DNAJB13: variants seen among roughly 807,000 people sequenced by gnomAD.
DNAJB13 encodes DnaJ heat shock protein family (Hsp40) member B13.
In DNAJB13, 22 loss-of-function variants were observed where a neutral mutation model predicts 35.6. That is an observed-to-expected ratio of 0.62 (90% CI 0.44 to 0.88). The LOEUF (loss-of-function observed/expected upper bound fraction) is 0.88, where lower values mean the gene tolerates loss of function less well. DNAJB13 is among the 40% of genes least tolerant of loss of function. The pLI is 0.00. For missense variants in DNAJB13, 370 were observed against 384.3 expected (o/e 0.96, Z 0.31); for synonymous variants, 136 against 144.2 (o/e 0.94, Z 0.41).
At chr11:73,958,827 C>T (rs2135301159) in intron 2 of DNAJB13, among the ~76,000 whole-genome samples, 1 of 152,294 alleles carries the variant, frequency 6.6e-6, no homozygotes, top group African/African-American at 2.4e-5. Flanking sequence ...GTGTCCATTT[C>T]CCCAGGGCCA....
chr11:73,967,966 T>G (rs1040802635), intron 5 of DNAJB13: 17 of 355,810 alleles, frequency 4.8e-5, no homozygotes, highest in Non-Finnish European at 8.6e-5. Flanking sequence ...AGCAGAGTTT[T>G]GGTGACTTAA....
At chr11:73,957,341 G>A (rs1330598138) in intron 1 of DNAJB13, among the ~76,000 whole-genome samples, 1 of 152,168 alleles carries the variant, frequency 6.6e-6, no homozygotes, top group African/African-American at 2.4e-5. Flanking sequence ...CAGACCCCTC[G>A]GGGTTCCTGG....
intron 3 of DNAJB13, among the ~76,000 whole-genome samples, chr11:73,960,177 C>A (rs1444544966): frequency 1.3e-5 from 2 of 151,280 alleles, no homozygotes; most frequent in African/African-American, 4.9e-5. Flanking sequence ...TTCTTTCTTT[C>A]TTTTTTATTT....
intron 1 of DNAJB13, among the ~76,000 whole-genome samples, chr11:73,954,935 G>A (rs191703069): frequency 2.1e-3 from 324 of 152,066 alleles, no homozygotes; most frequent in Non-Finnish European, 4.0e-3. Context: ...TGAGCAACAA[G>A]AGCAAAACTC....
intron 3 of DNAJB13, among the ~76,000 whole-genome samples, chr11:73,960,808 ATTATC>A (rs1402484851): frequency 1.3e-5 from 2 of 151,966 alleles, no homozygotes; most frequent in African/African-American, 2.4e-5. Flanking sequence ...TATCTTGGAG[ATTATC>A]TTATATGTTA....
intron 4 of DNAJB13, chr11:73,965,250 C>T (rs1220229524): frequency 6.5e-6 from 3 of 458,038 alleles, no homozygotes. Context: ...CAGGAGTGCC[C>T]TCTGCAGCCT....
intron 3 of DNAJB13, among the ~76,000 whole-genome samples, chr11:73,962,181 G>T (rs533034088): frequency 1.2e-4 from 19 of 152,232 alleles, no homozygotes; most frequent in Non-Finnish European, 2.4e-4. Context: ...GATACCTCTT[G>T]TCTCTTTTGC....
intron 5 of DNAJB13, among the ~76,000 whole-genome samples, chr11:73,966,965 G>T (rs1454638919): frequency 6.7e-6 from 1 of 149,454 alleles, no homozygotes; most frequent in African/African-American, 2.5e-5. Flanking sequence ...TTATTCTGCT[G>T]CCTCAGCTTC....
chr11:73,957,155 C>T (rs1337540970), intron 1 of DNAJB13, among the ~76,000 whole-genome samples: 1 of 152,232 alleles, frequency 6.6e-6, no homozygotes, highest in Non-Finnish European at 1.5e-5. Context: ...GGCTTCCTTG[C>T]CCTCAGCCTT....
chr11:73,963,939 G>T (rs942959085), intron 3 of DNAJB13: 2 of 152,196 alleles, frequency 1.3e-5, no homozygotes, highest in South Asian at 4.1e-4. Flanking sequence ...TTGTCCTGTG[G>T]TTCAGATCCC....
chr11:73,954,267 A>C (rs1452920070), intron 1 of DNAJB13, among the ~76,000 whole-genome samples: 5 of 151,744 alleles, frequency 3.3e-5, no homozygotes, highest in Admixed American at 6.6e-5. Context: ...CAGAGGTTGC[A>C]GTGAGCCGAG....
chr11:73,969,979 G>A lies in DNAJB13; in HGVS notation c.816G>A (p.Lys272=). The A allele has an allele frequency of 6.2e-7, 1 of 1,610,382 alleles. No individual in the cohort carries two copies. Among genetic ancestry groups the A allele is most frequent in the Non-Finnish European group, 8.5e-7 (1 of 1,178,120 alleles). The change falls in exon 8 of 8, where the codon AAG becomes AAA. Residue 272 remains lysine, a synonymous_variant. Coordinates refer to ENST00000339764, the MANE Select transcript of DNAJB13 (RefSeq NM_153614.4). The part of the protein sequence containing the change: ...NDIIHPKYFK[K]VPGEGMPLPE... ...ATTTCAGCCCCAAATACTTCAAGAA[G>A]GTGCCAGGGGAGGGGATGCCATTGC...
chr11:73,960,658 G>A (rs1244379464), intron 3 of DNAJB13, among the ~76,000 whole-genome samples: 1 of 152,216 alleles, frequency 6.6e-6, no homozygotes, highest in African/African-American at 2.4e-5. Flanking sequence ...CAGCTACTAG[G>A]GAAGCAGCTA....
At position 73,958,376 on chromosome 11, in the gene DNAJB13, A is replaced by C. The variant is rs768857246; in HGVS notation, c.128A>C (p.Glu43Ala). ...PLKSNEPSSA[E>A]IFRQIAEAYD... ...AAGTCAAATGAGCCGTCTTCAGCAG[A>C]GATTTTCAGGCAAATAGCAGAGGCC... The change falls in exon 2 of 8, where the codon GAG (glutamate) becomes GCG (alanine). Residue 43 changes from glutamate (E) to alanine (A), a missense_variant. Glu to Ala is a moderately radical substitution (Grantham distance 107, BLOSUM62 -1). Transcript: ENST00000339764. The C allele has an allele frequency of 1.9e-5, 30 of 1,614,034 alleles. No homozygotes were observed. The highest frequency in any genetic ancestry group is 2.5e-5 in the Non-Finnish European group (29 of 1,180,002).
At chr11:73,969,716 C>T (rs987729226) in intron 7 of DNAJB13, among the ~76,000 whole-genome samples, 1 of 151,852 alleles carries the variant, frequency 6.6e-6, no homozygotes, top group African/African-American at 2.4e-5. Flanking sequence ...CCAGGGTTTG[C>T]TCACCTTTAC....
intron 3 of DNAJB13, 68 bp from the exon 4 acceptor site, chr11:73,964,810 T>TGAGCGC: frequency 3.1e-5 from 22 of 704,226 alleles, no homozygotes; most frequent in Non-Finnish European, 2.9e-5. Context: ...TGTGTGTGTG[T>TGAGCGC]GTGCGCGCGC....
chr11:73,964,765 CTGTGTGTGTGTGTGTGTGTGTGTGTGTG>C (rs3222042), intron 3 of DNAJB13, 85 bp from the exon 4 acceptor site: 23 of 659,682 alleles, frequency 3.5e-5, no homozygotes, highest in Admixed American at 3.3e-4. Flanking sequence ...GATAGGGAGG[CTGTGTGTGTGTGTGTGTGTGTGTGTGTG>C]TGTGTGTGTG....
At chr11:73,963,353 A>G (rs1403764944) in intron 3 of DNAJB13, among the ~76,000 whole-genome samples, 1 of 151,758 alleles carries the variant, frequency 6.6e-6, no homozygotes, top group African/African-American at 2.4e-5. Flanking sequence ...CTCAAAAAAA[A>G]AAAAGAAAAA....
At chr11:73,966,113 C>G in intron 4 of DNAJB13, 25 bp from the exon 5 acceptor site, 1 of 1,601,024 alleles carries the variant, frequency 6.2e-7, no homozygotes, top group Non-Finnish European at 8.5e-7. Flanking sequence ...AAGCAGACCT[C>G]CCCACACCTG....
Sources: allele counts gnomAD v4.1 joint callset (sites outside exome capture counted in the v4.1 genomes callset), GRCh38; gene constraint gnomAD v4.1.1; transcripts MANE v1.5; gene names NCBI Gene and HGNC (gene_info 2026-07-23, HGNC 2026-07-21).